Variants in SOX6 observed in about 807,000 individuals in gnomAD.
The protein encoded by SOX6 is SRY-box transcription factor 6, also known as transcription factor SOX-6.
SOX6 carries 11 observed loss-of-function variants against 97.8 expected under a neutral mutation model. The observed-to-expected ratio is 0.11, with a 90% CI of 0.07 to 0.19. SOX6 has a LOEUF of 0.19. Among genes scored for constraint, SOX6 ranks in the 10% least tolerant of loss-of-function variants. SOX6 has a pLI of 1.00. For synonymous variants in SOX6, 360 were observed against 371.4 expected (o/e 0.97, Z 0.35); for missense variants, 810 against 1,039.5 (o/e 0.78, Z 3.04).
intron 6 of SOX6, among the ~76,000 whole-genome samples, chr11:16,151,693 T>C (rs1463525377): frequency 6.6e-6 from 1 of 152,186 alleles, no homozygotes; most frequent in Non-Finnish European, 1.5e-5. Flanking sequence ...CAATATGGTC[T>C]ATAAATCATG....
intron 4 of SOX6, among the ~76,000 whole-genome samples, chr11:16,571,799 A>C (rs1020302291): frequency 6.6e-6 from 1 of 151,910 alleles, no homozygotes; most frequent in Non-Finnish European, 1.5e-5. Flanking sequence ...TTACAGGAGC[A>C]CTCTGCCACG....
At chr11:16,560,543 G>A (rs1202083337) in intron 4 of SOX6, among the ~76,000 whole-genome samples, 1 of 84,594 alleles carries the variant, frequency 1.2e-5, no homozygotes, top group East Asian at 3.1e-4. Flanking sequence ...ATGTTTATAC[G>A]TACATATGTT....
At chr11:16,522,967 C>A (rs1303280571) in intron 4 of SOX6, among the ~76,000 whole-genome samples, 4 of 152,082 alleles carry the variant, frequency 2.6e-5, no homozygotes, top group Non-Finnish European at 5.9e-5. Flanking sequence ...ACAGGAGCAC[C>A]CAGATTCATA....
intron 4 of SOX6, among the ~76,000 whole-genome samples, chr11:16,202,339 GT>G (rs1851963783): frequency 6.6e-6 from 1 of 152,104 alleles, no homozygotes; most frequent in Admixed American, 6.6e-5. Flanking sequence ...AGAATGTCCT[GT>G]GTAGCATAAA....
At chr11:16,053,322 A>G (rs1030938398) in intron 10 of SOX6, among the ~76,000 whole-genome samples, 1 of 152,120 alleles carries the variant, frequency 6.6e-6, no homozygotes, top group Non-Finnish European at 1.5e-5. Context: ...TGGAAGAGTA[A>G]ATCTGTTTTT....
chr11:16,304,403 C>T (rs1297149166), intron 3 of SOX6, among the ~76,000 whole-genome samples: 1 of 152,000 alleles, frequency 6.6e-6, no homozygotes, highest in East Asian at 1.9e-4. Context: ...TAAAAGAGGT[C>T]TGAGGGAGTT....
intron 4 of SOX6, among the ~76,000 whole-genome samples, chr11:16,550,942 G>C (rs567884416): frequency 1.1e-3 from 160 of 152,252 alleles, no homozygotes; most frequent in African/African-American, 3.6e-3. Flanking sequence ...TTAAGGCCAG[G>C]CGCAGTGGCT....
At chr11:15,981,449 C>T (rs988529294) in intron 15 of SOX6, among the ~76,000 whole-genome samples, 7 of 152,010 alleles carry the variant, frequency 4.6e-5, no homozygotes, top group African/African-American at 1.7e-4. Flanking sequence ...TTTATGCTGG[C>T]AAAGCCCCAT....
At chr11:16,623,790 T>C in intron 3 of SOX6, among the ~76,000 whole-genome samples, 1 of 152,210 alleles carries the variant, frequency 6.6e-6, no homozygotes, top group Non-Finnish European at 1.5e-5. Context: ...GGCTTGCCAG[T>C]TATCCCAGCA....
chr11:16,325,071 C>T (rs900486713), intron 2 of SOX6, among the ~76,000 whole-genome samples: 9 of 151,936 alleles, frequency 5.9e-5, no homozygotes, highest in Non-Finnish European at 1.2e-4. Context: ...TGTTAATGGC[C>T]CTCTGAGTAT....
chr11:16,512,975 A>C (rs558542293), intron 4 of SOX6, among the ~76,000 whole-genome samples: 8 of 152,346 alleles, frequency 5.3e-5, no homozygotes, highest in Non-Finnish European at 8.8e-5. Flanking sequence ...CAGTTCCTTG[A>C]AATGTATATG....
At chr11:16,346,601 T>C (rs531773916) in intron 1 of SOX6, among the ~76,000 whole-genome samples, 94 of 152,196 alleles carry the variant, frequency 6.2e-4, no homozygotes, top group African/African-American at 2.1e-3. Flanking sequence ...ATTTTTCTAT[T>C]TCTTCCATTA....
chr11:16,160,573 T>G (rs1273563509), intron 6 of SOX6, among the ~76,000 whole-genome samples: 2 of 152,134 alleles, frequency 1.3e-5, no homozygotes, highest in African/African-American at 4.8e-5. Flanking sequence ...GTTTTTAACA[T>G]GAAGGTGAAA....
chr11:16,552,866 C>T (rs1305517007), intron 4 of SOX6, among the ~76,000 whole-genome samples: 3 of 152,104 alleles, frequency 2.0e-5, no homozygotes, highest in African/African-American at 7.2e-5. Flanking sequence ...GTAAATATTA[C>T]ATAAGTCTGA....
intron 4 of SOX6, among the ~76,000 whole-genome samples, chr11:16,597,783 G>A (rs1020019747): frequency 6.6e-6 from 1 of 151,910 alleles, no homozygotes; most frequent in Admixed American, 6.6e-5. Flanking sequence ...ATACTATATA[G>A]CAATGACAAA....
At chr11:16,244,350 A>G (rs897750252) in intron 3 of SOX6, among the ~76,000 whole-genome samples, 2 of 151,774 alleles carry the variant, frequency 1.3e-5, no homozygotes, top group Non-Finnish European at 3.0e-5. Flanking sequence ...TCGTCTCTCA[A>G]ATATATGTAA....
chr11:16,707,621 T>C (rs1159829121), intron 3 of SOX6, among the ~76,000 whole-genome samples: 3 of 152,222 alleles, frequency 2.0e-5, no homozygotes, highest in African/African-American at 7.2e-5. Flanking sequence ...TGAATTCACT[T>C]CTGTATTCCA....
chr11:16,134,174 T>A (rs1849893591), intron 6 of SOX6, among the ~76,000 whole-genome samples: 1 of 152,238 alleles, frequency 6.6e-6, no homozygotes, highest in Non-Finnish European at 1.5e-5. Flanking sequence ...ATTTTACAGA[T>A]GAGGCACAGA....
chr11:16,111,570 T>C (rs1849230321), intron 7 of SOX6, among the ~76,000 whole-genome samples: 1 of 152,200 alleles, frequency 6.6e-6, no homozygotes. Context: ...AGTAGTATCT[T>C]ATCTGTGAAT....
Sources: allele counts gnomAD v4.1 joint callset (sites outside exome capture counted in the v4.1 genomes callset), GRCh38; gene constraint gnomAD v4.1.1; transcripts MANE v1.5; gene names NCBI Gene and HGNC (gene_info 2026-07-23, HGNC 2026-07-21).